The following PAX3 variants were observed in gnomAD, a reference collection of about 807,000 sequenced individuals.
PAX3 encodes paired box protein Pax-3.
In PAX3, 14 loss-of-function variants were observed where a neutral mutation model predicts 51.6. That is an observed-to-expected ratio of 0.27 (90% CI 0.18 to 0.42). The LOEUF (loss-of-function observed/expected upper bound fraction) is 0.42, where lower values mean the gene tolerates loss of function less well. Among genes scored for constraint, PAX3 ranks in the 10% least tolerant of loss-of-function variants. The probability of loss-of-function intolerance (pLI) is 1.00; values close to 1 mark genes in which losing one functional copy is unlikely to be tolerated. For synonymous variants in PAX3, 280 were observed against 253.4 expected, an observed-to-expected ratio of 1.11 and a Z score of -1.00; for missense variants, 540 against 642.8, an observed-to-expected ratio of 0.84 and a Z score of 1.73.
chr2:222,228,826 C>A (rs1031820143), intron 5 of PAX3, among the ~76,000 whole-genome samples: 18 of 152,120 alleles, frequency 1.2e-4, no homozygotes, highest in South Asian at 2.1e-4. Context: ...GTAGACCCAG[C>A]TACTCTGGAA....
At chr2:222,244,979 C>A (rs970994828) in intron 4 of PAX3, among the ~76,000 whole-genome samples, 13 of 151,934 alleles carry the variant, frequency 8.6e-5, no homozygotes, top group Non-Finnish European at 1.9e-4. Context: ...AAAATCCCGT[C>A]TCTAATGAAG....
intron 7 of PAX3, among the ~76,000 whole-genome samples, chr2:222,205,184 A>G (rs1289875939): frequency 4.6e-5 from 7 of 152,188 alleles, no homozygotes; most frequent in South Asian, 2.1e-4. Flanking sequence ...CTTGAAGTAT[A>G]TCTATTGAAG....
At chr2:222,222,485 C>G (rs116797050) in intron 5 of PAX3, among the ~76,000 whole-genome samples, 1 of 151,516 alleles carries the variant, frequency 6.6e-6, no homozygotes, top group Non-Finnish European at 1.5e-5. Flanking sequence ...TTCAACCCAA[C>G]CTCCGCCTCC....
intron 4 of PAX3, among the ~76,000 whole-genome samples, chr2:222,292,177 C>T (rs1695067030): frequency 1.3e-5 from 2 of 152,218 alleles, no homozygotes; most frequent in South Asian, 4.1e-4. Flanking sequence ...GTCCATAAAA[C>T]TTCCCGGCGC....
intron 7 of PAX3, among the ~76,000 whole-genome samples, chr2:222,210,198 T>A (rs1379244805): frequency 2.0e-5 from 3 of 152,214 alleles, no homozygotes; most frequent in Non-Finnish European, 2.9e-5. Flanking sequence ...CAGAAACTAA[T>A]TCTGTTCCTG....
chr2:222,234,382 A>C (rs1203336649), intron 4 of PAX3, among the ~76,000 whole-genome samples: 1 of 152,244 alleles, frequency 6.6e-6, no homozygotes, highest in African/African-American at 2.4e-5. Flanking sequence ...CAATATTTTA[A>C]AGGACAATTA....
chr2:222,295,938 T>C (rs1695272623), intron 2 of PAX3, among the ~76,000 whole-genome samples: 1 of 151,894 alleles, frequency 6.6e-6, no homozygotes, highest in Non-Finnish European at 1.5e-5. Context: ...TTGATGGGGG[T>C]AGGGTGGGGT....
chr2:222,297,918 G>C (rs1695392694), intron 1 of PAX3, among the ~76,000 whole-genome samples: 1 of 152,180 alleles, frequency 6.6e-6, no homozygotes, highest in Non-Finnish European at 1.5e-5. Flanking sequence ...ATTGAAAACG[G>C]CTCAGGCTTG....
intron 7 of PAX3, among the ~76,000 whole-genome samples, chr2:222,204,464 T>C (rs138075393): frequency 3.0e-3 from 463 of 152,312 alleles, no homozygotes; most frequent in Admixed American, 0.01. Context: ...TTATTATTTA[T>C]GAAATTTCAG....
chr2:222,231,164 G>A (rs1481983081), intron 5 of PAX3, among the ~76,000 whole-genome samples: 2 of 152,172 alleles, frequency 1.3e-5, no homozygotes, highest in South Asian at 2.1e-4. Context: ...ATCTATGAAC[G>A]TGTTGATCAA....
At chr2:222,275,928 A>G (rs893427377) in intron 4 of PAX3, among the ~76,000 whole-genome samples, 1 of 152,236 alleles carries the variant, frequency 6.6e-6, no homozygotes, top group African/African-American at 2.4e-5. Context: ...GTTTGCCCCA[A>G]TCAGTTGGGA....
At chr2:222,272,364 A>G (rs1694284104) in intron 4 of PAX3, among the ~76,000 whole-genome samples, 1 of 152,200 alleles carries the variant, frequency 6.6e-6, no homozygotes, top group South Asian at 2.1e-4. Flanking sequence ...GGGGAAGAAA[A>G]TGTGATCTAA....
intron 7 of PAX3, among the ~76,000 whole-genome samples, chr2:222,209,069 G>A (rs1559254790): frequency 6.6e-6 from 1 of 152,212 alleles, no homozygotes; most frequent in East Asian, 1.9e-4. Flanking sequence ...CCTCTCCCAA[G>A]CAGAGGAATG....
Position 222,298,776 on chromosome 2 carries a change from C to T in PAX3, c.-161G>A. On this transcript the variant is annotated 5_prime_UTR_variant, in exon 1 of 9. Coordinates refer to ENST00000392070, the MANE Select transcript of PAX3 (RefSeq NM_181458.4). ...ACGCGGGGAGGGGGGCTGTCGGTTC[C>T]TAGTCCAGAGGCCGGAGCTGGAACC... The T allele has an allele frequency of 1.4e-6, 1 of 702,222 alleles. No homozygotes were observed. Among genetic ancestry groups the T allele is most frequent in the African/African-American group, 1.7e-5 (1 of 57,294 alleles). The allele number at this position is 702,222 out of a possible 1,614,324, so 43.5% of individuals were successfully genotyped here. A position where few individuals can be genotyped will look rare whatever the true frequency, so the allele number is the denominator to read the frequency against.
At chr2:222,218,485 A>G (rs1692055140) in intron 7 of PAX3, among the ~76,000 whole-genome samples, 2 of 152,334 alleles carry the variant, frequency 1.3e-5, no homozygotes, top group Middle Eastern at 3.4e-3. Flanking sequence ...AGAAGCAGCT[A>G]GGGCAGGAGT....
chr2:222,225,304 C>G (rs1692344280), intron 5 of PAX3, among the ~76,000 whole-genome samples: 1 of 152,028 alleles, frequency 6.6e-6, no homozygotes, highest in African/African-American at 2.4e-5. Flanking sequence ...TATTTCATGT[C>G]TTTGAAAAAT....
intron 4 of PAX3, among the ~76,000 whole-genome samples, chr2:222,255,576 G>A (rs1693607214): frequency 6.6e-6 from 1 of 152,186 alleles, no homozygotes; most frequent in African/African-American, 2.4e-5. Context: ...GCCAGTCAGT[G>A]TTCTTGGCAT....
At chr2:222,298,043 A>T (rs3770210) in intron 1 of PAX3, 14,943 of 156,448 alleles carry the variant, frequency 0.096, 962 homozygotes, top group East Asian at 0.29. Context: ...ATTCTAATTT[A>T]TTTAATTATT....
chr2:222,292,022 T>TGTGTGTGTG, intron 4 of PAX3, among the ~76,000 whole-genome samples: 1 of 105,474 alleles, frequency 9.5e-6, no homozygotes, highest in Non-Finnish European at 2.0e-5. Flanking sequence ...GTGTGTGTGT[T>TGTGTGTGTG]TCCAACAGCA....
Sources: allele counts gnomAD v4.1 joint callset (sites outside exome capture counted in the v4.1 genomes callset), GRCh38; gene constraint gnomAD v4.1.1; transcripts MANE v1.5; gene names NCBI Gene and HGNC (gene_info 2026-07-23, HGNC 2026-07-21).